Variants in UGT1A3 observed in about 807,000 individuals in gnomAD.
The protein encoded by UGT1A3 is UDP-glucuronosyltransferase 1A3.
Under a neutral mutation model 41.0 loss-of-function variants are expected in UGT1A3, and 31 were observed. The observed-to-expected ratio is 0.76, with a 90% CI of 0.57 to 1.02. The LOEUF (loss-of-function observed/expected upper bound fraction) is 1.02. Among genes scored for constraint, UGT1A3 ranks in the 50% least tolerant of loss-of-function variants. The probability of loss-of-function intolerance (pLI) is 0.00; values close to 1 mark genes in which losing one functional copy is unlikely to be tolerated. For missense variants in UGT1A3, 737 were observed against 671.0 expected, an observed-to-expected ratio of 1.10 and a Z score of -1.09; for synonymous variants, 262 against 257.6, an observed-to-expected ratio of 1.02 and a Z score of -0.17.
intron 1 of UGT1A3, chr2:233,740,656 G>A (rs17862875): frequency 0.3 from 44,719 of 151,578 alleles, 6,954 homozygotes; most frequent in South Asian, 0.39. Flanking sequence ...TGTACTTGGT[G>A]AGAAGGTACA....
chr2:233,735,900 C>T (rs1272408320), intron 1 of UGT1A3, among the ~76,000 whole-genome samples: 5 of 152,014 alleles, frequency 3.3e-5, no homozygotes, highest in African/African-American at 9.7e-5. Flanking sequence ...GATGGGCTTC[C>T]CTTTGTGGGT....
At chr2:233,764,025 G>T (rs1387179659) in intron 1 of UGT1A3, among the ~76,000 whole-genome samples, 1 of 152,188 alleles carries the variant, frequency 6.6e-6, no homozygotes, top group Non-Finnish European at 1.5e-5. Flanking sequence ...TGGTGTCTAA[G>T]TGCTAAAGAA....
chr2:233,748,180 G>T (rs1460619178), intron 1 of UGT1A3: 22 of 1,578,250 alleles, frequency 1.4e-5, no homozygotes, highest in Non-Finnish European at 1.9e-5. Flanking sequence ...TCTTTCTGGT[G>T]CTTTTATTTC....
At position 233,729,786 on chromosome 2, in the gene UGT1A3, G is replaced by A; in HGVS notation, c.660G>A (p.Leu220=). Reference sequence around the variant, plus strand: ...AGAACATGCTCTACCCTCTGGCCCTGTCCTACATTTGCCATGCTTTTTCTG... The same window carrying A: ...AGAACATGCTCTACCCTCTGGCCCTATCCTACATTTGCCATGCTTTTTCTG... ...RVKNMLYPLA[L]SYICHAFSAP... is the part of the protein sequence containing the mutation. Residue 220 remains leucine, a synonymous_variant, in exon 1 of 5, where the codon CTG becomes CTA. Coordinates refer to ENST00000482026, the MANE Select transcript of UGT1A3 (RefSeq NM_019093.4). The A allele has an allele frequency of 6.2e-7, 1 of 1,613,972 alleles. No individual in the cohort carries two copies. The highest frequency in any genetic ancestry group is 2.2e-5 in the East Asian group (1 of 44,884).
intron 1 of UGT1A3, among the ~76,000 whole-genome samples, chr2:233,756,947 C>T (rs1471730406): frequency 2.6e-5 from 4 of 152,070 alleles, no homozygotes; most frequent in East Asian, 1.9e-4. Context: ...ACCTGAAACC[C>T]GGACTTGGCA....
At chr2:233,748,095 T>G (rs1186199054) in intron 1 of UGT1A3, 80 of 1,612,722 alleles carry the variant, frequency 5.0e-5, no homozygotes, top group Non-Finnish European at 6.3e-5. Context: ...TGTTCGTGCC[T>G]TCATCCAATC....
chr2:233,772,614 C>A lies in UGT1A3; in HGVS notation c.*55C>A, dbSNP rs1700539224. On this transcript the variant is annotated 3_prime_UTR_variant, in exon 5 of 5. Transcript: ENST00000482026. ...GAACCATTCCCTAGTCATTTCCAAA[C>A]TTGAAAACAGAATCAGTGTTAAATT... The A allele has an allele frequency of 3.2e-6, 5 of 1,575,710 alleles. No homozygotes were observed. The highest frequency in any genetic ancestry group is 4.3e-6 in the Non-Finnish European group (5 of 1,159,842).
Position 233,772,777 on chromosome 2 carries a change from T to C in UGT1A3, c.*218T>C. The stretch of plus-strand genomic sequence containing the variant: ...TATGTATCGTGCCCCCTCTGGTGTC[T>C]TTGATCAGGATGACATGTGCCATTT... On this transcript the variant is annotated 3_prime_UTR_variant, in exon 5 of 5. Coordinates refer to ENST00000482026, the MANE Select transcript of UGT1A3 (RefSeq NM_019093.4). 8.4e-6 allele frequency: 11 copies of C among 1,302,124 alleles called. No individual in the cohort carries two copies. The highest frequency in any genetic ancestry group is 1.1e-5 in the Non-Finnish European group (11 of 988,102). 80.7% of individuals were successfully genotyped at this position (1,302,124 alleles called of 1,614,324 possible). A position where few individuals can be genotyped will look rare whatever the true frequency, so the allele number is the denominator to read the frequency against.
At chr2:233,740,525 C>G (rs1027411226) in intron 1 of UGT1A3, among the ~76,000 whole-genome samples, 1 of 151,910 alleles carries the variant, frequency 6.6e-6, no homozygotes, top group Non-Finnish European at 1.5e-5. Context: ...GAACTAAAAT[C>G]AGCTGTGTTG....
chr2:233,762,317 G>A (rs1012731348), intron 1 of UGT1A3, among the ~76,000 whole-genome samples: 5 of 152,210 alleles, frequency 3.3e-5, no homozygotes, highest in African/African-American at 1.2e-4. Flanking sequence ...AATGGGTCGA[G>A]AGTAATCCAC....
chr2:233,747,555 G>A, intron 1 of UGT1A3: 1 of 1,599,236 alleles, frequency 6.3e-7, no homozygotes, highest in Non-Finnish European at 8.6e-7. Flanking sequence ...TAAAAGTATG[G>A]CAATTTTGAA....
chr2:233,771,572 T>G (rs1700331696), intron 4 of UGT1A3: 1 of 152,318 alleles, frequency 6.6e-6, no homozygotes, highest in Admixed American at 6.5e-5. Context: ...CAGAGGTGGT[T>G]GTTTACAACT....
chr2:233,765,700 A>T (rs963177783), intron 1 of UGT1A3, among the ~76,000 whole-genome samples: 1 of 146,346 alleles, frequency 6.8e-6, no homozygotes, highest in African/African-American at 2.7e-5. Flanking sequence ...AGTAAATAAT[A>T]ATAATAATAA....
At position 233,773,024 on chromosome 2, in the gene UGT1A3, G is replaced by A. The variant is rs1575873040; in HGVS notation, c.*465G>A. 2 of 199,282 alleles carry A rather than the reference G, an allele frequency of 1.0e-5. No homozygotes were observed. The highest frequency in any genetic ancestry group is 5.3e-5 in the Admixed American group (1 of 18,910). The allele number at this position is 199,282 out of a possible 1,614,324, so 12.3% of individuals were successfully genotyped here. On this transcript the variant is annotated 3_prime_UTR_variant, in exon 5 of 5. Coordinates refer to ENST00000482026, the MANE Select transcript of UGT1A3 (RefSeq NM_019093.4). ...GTGCTTCATAGGTGCCACCTTGTGT[G>A]TTTAAAGAAGGGAAGCTTTGTACCT... is the stretch of plus-strand genomic sequence containing the variant.
intron 1 of UGT1A3, among the ~76,000 whole-genome samples, chr2:233,764,460 T>C (rs1698566935): frequency 6.6e-6 from 1 of 152,182 alleles, no homozygotes; most frequent in East Asian, 1.9e-4. Flanking sequence ...ACTTTCGTGA[T>C]CTCCTGCTAT....
chr2:233,748,318 C>T (rs1693914102), intron 1 of UGT1A3, among the ~76,000 whole-genome samples: 1 of 151,718 alleles, frequency 6.6e-6, no homozygotes, highest in African/African-American at 2.4e-5. Context: ...TGGACTAGGA[C>T]TGATGTGACT....
chr2:233,761,143 C>T, intron 1 of UGT1A3: 1 of 1,614,232 alleles, frequency 6.2e-7, no homozygotes, highest in Non-Finnish European at 8.5e-7. Flanking sequence ...CCAAAATCCA[C>T]TATCCCAGGT....
At chr2:233,772,206 G>A (rs1305891412) in intron 4 of UGT1A3, 56 bp from the exon 5 acceptor site, 2 of 1,609,236 alleles carry the variant, frequency 1.2e-6, no homozygotes, top group Non-Finnish European at 1.7e-6. Context: ...AGCATAAAGA[G>A]AGGATTGTTC....
rs1575845163 is a variant in UGT1A3, at chr2:233,769,671, ATG to A, written c.1307+1241_1307+1242del. 2.5e-6 allele frequency: 4 copies of A among 1,588,796 alleles called. No homozygotes were observed. The highest frequency in any genetic ancestry group is 4.5e-5 in the East Asian group (2 of 44,092). On this transcript the variant is annotated intron_variant, in intron 4 of 4. Coordinates refer to ENST00000482026, the MANE Select transcript of UGT1A3 (RefSeq NM_019093.4). This position sits in a 1 kb window ranked among gnomAD's most constrained non-coding sequence, Gnocchi z 4.4. ...CTGACTTCCCACCTTTGAGGTGCTA[ATG>A]TGTGTGTGGTGGCACTGGATAAAAG...
Sources: allele counts gnomAD v4.1 joint callset (sites outside exome capture counted in the v4.1 genomes callset), GRCh38; gene constraint gnomAD v4.1.1; non-coding constraint Gnocchi (gnomAD v3.1); transcripts MANE v1.5; gene names NCBI Gene and HGNC (gene_info 2026-07-23, HGNC 2026-07-21).